Variants in MPIG6B observed in about 807,000 individuals in gnomAD.
MPIG6B encodes the protein immunoglobulin receptor.
A neutral mutation model predicts 24.2 loss-of-function variants in MPIG6B; 22 were observed. The ratio of observed to expected loss-of-function variants is 0.91; its 90% confidence interval spans 0.65 to 1.30. The LOEUF (loss-of-function observed/expected upper bound fraction) is 1.30. Among genes scored for constraint, MPIG6B ranks in the 50% most tolerant of loss-of-function variants. MPIG6B has a pLI of 0.00. For synonymous variants in MPIG6B, 136 were observed against 142.0 expected (o/e 0.96, Z 0.30); for missense variants, 301 against 318.5 (o/e 0.94, Z 0.42).
rs1293579756 is a variant in MPIG6B, at chr6:31,723,501, G to A, written c.61+57G>A. 2 of 1,536,344 alleles carry A rather than the reference G, an allele frequency of 1.3e-6. No homozygotes were observed. The highest frequency in any genetic ancestry group is 1.4e-5 in the African/African-American group (1 of 73,370). On this transcript the variant is annotated intron_variant, in intron 1 of 5. Coordinates refer to ENST00000649779, the MANE Select transcript of MPIG6B (RefSeq NM_138272.3). The surrounding 1 kb of genome is among the most constrained non-coding windows in gnomAD (Gnocchi z 4.3). ...GCAGAGGGGCTGAAGCAAGATAAGG[G>A]CCGCCTAGTAGGGTGGGTTGTGTGT...
chr6:31,721,704 A>G (rs200403508), upstream of MPIG6B: 1,513 of 1,613,246 alleles, frequency 9.4e-4, no homozygotes, highest in Non-Finnish European at 1.2e-3. Flanking sequence ...GAATGGTGGC[A>G]ACCACAGCAG....
At position 31,725,267 on chromosome 6, in the gene MPIG6B, C is replaced by G; in HGVS notation, c.*193C>G. The G allele has an allele frequency of 1.7e-6, 1 of 591,344 alleles. No individual in the cohort carries two copies. The highest frequency in any genetic ancestry group is 1.9e-5 in the African/African-American group (1 of 53,708). 36.6% of individuals were successfully genotyped at this position (591,344 alleles called of 1,614,324 possible). A position where few individuals can be genotyped will look rare whatever the true frequency, so the allele number is the denominator to read the frequency against. On this transcript the variant is annotated 3_prime_UTR_variant, in exon 6 of 6. Coordinates refer to ENST00000649779, the MANE Select transcript of MPIG6B (RefSeq NM_138272.3). This position sits in a 1 kb window ranked among gnomAD's most constrained non-coding sequence, Gnocchi z 5.2. ...TACTTCTAAACTTACTCCCATCTCT[C>G]CTATAACCTCCATGTCTCCCTCACC...
At chr6:31,721,643 G>A (rs1292090243), upstream of MPIG6B, 1 of 1,613,904 alleles carries the variant, frequency 6.2e-7, no homozygotes, top group Non-Finnish European at 8.5e-7. Context: ...ACCCAGCAGA[G>A]CAGAACAGAC....
At chr6:31,721,042 T>G (rs536477631), upstream of MPIG6B, 4 of 152,554 alleles carry the variant, frequency 2.6e-5, no homozygotes, top group Admixed American at 2.6e-4. Flanking sequence ...CCATGGAGGC[T>G]CTTAGATGTC....
upstream of MPIG6B, chr6:31,721,696 A>G (rs1030439741): frequency 1.2e-6 from 2 of 1,613,872 alleles, no homozygotes; most frequent in Admixed American, 1.7e-5. Context: ...GGTCCTGAGA[A>G]TGGTGGCAAC....
upstream of MPIG6B, chr6:31,723,300 C>T: frequency 8.6e-7 from 1 of 1,163,462 alleles, no homozygotes; most frequent in Non-Finnish European, 1.3e-6. This position sits in a 1 kb window ranked among gnomAD's most constrained non-coding sequence, Gnocchi z 4.3. Context: ...TCCGTTCTCC[C>T]CACGCCTAAC....
chr6:31,724,519 G>A (rs1434542963), intron 3 of MPIG6B, 68 bp from the exon 4 acceptor site: 25 of 1,348,188 alleles, frequency 1.9e-5, no homozygotes, highest in East Asian at 4.6e-5. Flanking sequence ...TGTCCTTGGC[G>A]TGGCGAGTCC....
At chr6:31,721,719 T>G (rs373625540), upstream of MPIG6B, 16 of 1,607,040 alleles carry the variant, frequency 1.0e-5, no homozygotes, top group Non-Finnish European at 1.4e-5. Context: ...CAGCAGCTGA[T>G]AGAGTAGATT....
intron 2 of MPIG6B, 55 bp from the exon 3 acceptor site, chr6:31,724,087 G>A: frequency 1.3e-6 from 2 of 1,581,386 alleles, no homozygotes; most frequent in Non-Finnish European, 1.7e-6. Flanking sequence ...ACTGCTGGCT[G>A]TCCCTCGTCA....
chr6:31,721,493 G>A, upstream of MPIG6B: 1 of 691,250 alleles, frequency 1.4e-6, no homozygotes, highest in Non-Finnish European at 2.4e-6. Context: ...TGGTCTTGGT[G>A]GCACAGGAGA....
chr6:31,721,335 G>A (rs750649052), upstream of MPIG6B, among the ~76,000 whole-genome samples: 1 of 152,172 alleles, frequency 6.6e-6, no homozygotes, highest in South Asian at 2.1e-4. Flanking sequence ...GGATACCAGA[G>A]TTTCCAAGGA....
chr6:31,721,197 A>C (rs1806760803), upstream of MPIG6B: 2 of 178,734 alleles, frequency 1.1e-5, no homozygotes, highest in Non-Finnish European at 2.3e-5. Flanking sequence ...GGTAGGTTAC[A>C]AAAGGAGCCT....
chr6:31,720,520 G>A (rs1192124361), upstream of MPIG6B, among the ~76,000 whole-genome samples: 1 of 152,188 alleles, frequency 6.6e-6, no homozygotes, highest in African/African-American at 2.4e-5. This position sits in a 1 kb window ranked among gnomAD's most constrained non-coding sequence, Gnocchi z 4.9. Flanking sequence ...GATGGAATGT[G>A]AGGAAGATAC....
upstream of MPIG6B, chr6:31,720,855 G>T (rs1471088624): frequency 3.3e-5 from 5 of 152,288 alleles, no homozygotes; most frequent in African/African-American, 4.8e-5. The surrounding 1 kb of genome is among the most constrained non-coding windows in gnomAD (Gnocchi z 4.9). Flanking sequence ...GGATACAGAA[G>T]GTGGCACCCC....
In MPIG6B at chr6:31,723,897, T is replaced by C; in HGVS notation, c.320T>C (p.Phe107Ser). The stretch of plus-strand genomic sequence containing the variant: ...AGCGCGGGGGACTCGGGCACTTTTT[T>C]CTGCAAGGGCCGCCACGAGGACGAG... ...LLSAGDSGTF[F>S]CKGRHEDESR... Residue 107 changes from phenylalanine (F) to serine (S), a missense_variant, in exon 2 of 6, where the codon TTC becomes TCC. By Grantham distance (155) the Phe-to-Ser change is radical (BLOSUM62 -2). Transcript: ENST00000649779. This position sits in a 1 kb window ranked among gnomAD's most constrained non-coding sequence, Gnocchi z 4.3. The C allele has an allele frequency of 6.2e-7, 1 of 1,606,148 alleles. No individual in the cohort carries two copies.
Position 31,725,324 on chromosome 6 carries a change from T to C in MPIG6B, c.*250T>C. The stretch of plus-strand genomic sequence containing the variant: ...GTCCTCTCTATACCCAATCAAGCCC[T>C]AGCTCCTTTTTTTTTTTTTTTTGAG... On this transcript the variant is annotated 3_prime_UTR_variant, in exon 6 of 6. Coordinates refer to ENST00000649779, the MANE Select transcript of MPIG6B (RefSeq NM_138272.3). This position sits in a 1 kb window ranked among gnomAD's most constrained non-coding sequence, Gnocchi z 5.2. 2 of 442,032 alleles carry C rather than the reference T, an allele frequency of 4.5e-6. No individual in the cohort carries two copies. The highest frequency in any genetic ancestry group is 4.0e-6 in the Non-Finnish European group (1 of 250,524). 27.4% of individuals were successfully genotyped at this position (442,032 alleles called of 1,614,324 possible). A position where few individuals can be genotyped will look rare whatever the true frequency, so the allele number is the denominator to read the frequency against.
Position 31,723,703 on chromosome 6 carries a change from C to G in MPIG6B, c.126C>G (p.Ile42Met). Reference protein sequence around the residue: ...NLSCGGVSHPIRWVWAPSFPA... With the variant: ...NLSCGGVSHPMRWVWAPSFPA... ...CCTGCGGAGGAGTCTCTCATCCCAT[C>G]CGCTGGGTCTGGGCACCCAGCTTCC... is the stretch of plus-strand genomic sequence containing the variant. The change falls in exon 2 of 6, where the codon ATC (isoleucine) becomes ATG (methionine). Residue 42 changes from isoleucine to methionine, a missense_variant. Ile to Met is a conservative substitution (Grantham distance 10). Transcript: ENST00000649779. The surrounding 1 kb of genome is among the most constrained non-coding windows in gnomAD (Gnocchi z 4.3). The G allele has an allele frequency of 6.2e-7, 1 of 1,610,654 alleles. No homozygotes were observed. Among genetic ancestry groups the G allele is most frequent in the African/African-American group, 1.3e-5 (1 of 75,032 alleles).
intron 4 of MPIG6B, 41 bp from the exon 5 acceptor site, chr6:31,724,724 T>TCAC: frequency 1.2e-6 from 2 of 1,613,192 alleles, no homozygotes; most frequent in East Asian, 4.5e-5. Context: ...GACACGTTGG[T>TCAC]CACCTTCTCT....
chr6:31,723,930 CAGTGCTTCACGTGCTGG>C lies in MPIG6B; in HGVS notation c.354_370del (p.Val119GlyfsTer55), dbSNP rs757560451. 6 of 1,579,570 alleles carry C rather than the reference CAGTGCTTCACGTGCTGG, an allele frequency of 3.8e-6. No homozygotes were observed. Among genetic ancestry groups the C allele is most frequent in the Non-Finnish European group, 5.2e-6 (6 of 1,161,944 alleles). On this transcript the variant is annotated frameshift_variant, in exon 2 of 6. Transcript: ENST00000649779. LOFTEE classifies it high-confidence loss of function. The surrounding 1 kb of genome is among the most constrained non-coding windows in gnomAD (Gnocchi z 4.3). ...GGCCGCCACGAGGACGAGAGCCGTACAGTGCTTCACGTGCTGGGGGACAGGACCTATTGCAAGGCCCC... is the reference window on the plus strand; with the variant it reads ...GGCCGCCACGAGGACGAGAGCCGTACGGGACAGGACCTATTGCAAGGCCCC...
Sources: gnomAD v4.1 joint callset for allele counts (sites outside exome capture counted in the v4.1 genomes callset) on GRCh38, gnomAD v4.1.1 for gene constraint, Gnocchi (gnomAD v3.1) non-coding constraint, MANE v1.5 for transcripts, NCBI Gene and HGNC (gene_info 2026-07-23, HGNC 2026-07-21) for gene names.